Variants in MBP observed in about 807,000 individuals in gnomAD.
The protein encoded by MBP is Golli-MBP.
In MBP, 16 loss-of-function variants were observed where a neutral mutation model predicts 35.8. That is an observed-to-expected ratio of 0.45 (90% CI 0.30 to 0.68). The LOEUF is 0.68. MBP is among the 30% of genes least tolerant of loss of function. MBP has a pLI of 0.08. For synonymous variants in MBP, 143 were observed against 159.6 expected, an observed-to-expected ratio of 0.90 and a Z score of 0.78; for missense variants, 380 against 404.7, an observed-to-expected ratio of 0.94 and a Z score of 0.52.
At chr18:77,053,259 T>C (rs1199750487) in intron 3 of MBP, among the ~76,000 whole-genome samples, 5 of 152,032 alleles carry the variant, frequency 3.3e-5, no homozygotes, top group Non-Finnish European at 7.4e-5. Flanking sequence ...GGTGGCTGCT[T>C]CAGGGGAGGG....
rs553334578 is a variant in MBP, at chr18:77,033,305, CT to C, written c.140-16038del. Among the ~76,000 whole-genome samples the C allele has an allele frequency of 2.2e-3, 335 of 152,250 alleles. 3 individuals carry two copies. The highest frequency in any genetic ancestry group is 7.6e-3 in the African/African-American group (314 of 41,548). On this transcript the variant is annotated intron_variant, in intron 3 of 8. Coordinates refer to ENST00000355994, the MANE Select transcript of MBP (RefSeq NM_001025101.2). ...CTTTGATTCTTGGTTCTATCATCTA[CT>C]GTGTGACCTTGAGCACATAATTTAA...
chr18:77,128,238 C>T (rs1279049930), intron 1 of MBP, among the ~76,000 whole-genome samples: 4 of 152,178 alleles, frequency 2.6e-5, no homozygotes, highest in Non-Finnish European at 2.9e-5. Flanking sequence ...CTTGCCAACC[C>T]GGATGGGTCT....
intron 2 of MBP, chr18:77,097,369 C>T (rs1975802815): frequency 6.6e-6 from 1 of 152,266 alleles, no homozygotes; most frequent in Admixed American, 6.5e-5. Context: ...TGATAGTTTC[C>T]CTCCCTCTCA....
At chr18:77,009,840 G>A in intron 4 of MBP, 1 of 1,574,112 alleles carries the variant, frequency 6.4e-7, no homozygotes, top group Admixed American at 1.8e-5. Flanking sequence ...GGACCCGCCG[G>A]CGTCTTACCT....
intron 2 of MBP, among the ~76,000 whole-genome samples, chr18:77,091,154 A>G (rs1208937430): frequency 6.6e-6 from 1 of 152,202 alleles, no homozygotes; most frequent in Non-Finnish European, 1.5e-5. Context: ...CAATGCAATT[A>G]TGAGATCATA....
intron 1 of MBP, among the ~76,000 whole-genome samples, chr18:77,112,241 G>A (rs1198501141): frequency 6.6e-6 from 1 of 152,038 alleles, no homozygotes; most frequent in Admixed American, 6.6e-5. Flanking sequence ...AGGACAAGGC[G>A]TGGGAAGAAG....
At chr18:77,033,822 C>T (rs1972640134) in intron 3 of MBP, among the ~76,000 whole-genome samples, 1 of 151,420 alleles carries the variant, frequency 6.6e-6, no homozygotes, top group African/African-American at 2.4e-5. Flanking sequence ...ACACACCCAC[C>T]CACATATCCA....
chr18:77,115,790 G>A (rs1377236045), intron 1 of MBP: 3 of 151,688 alleles, frequency 2.0e-5, no homozygotes, highest in Non-Finnish European at 1.5e-5. Flanking sequence ...GATCTCCTAA[G>A]GGGCCCCACG....
intron 8 of MBP, 89 bp from the exon 9 acceptor site, chr18:76,980,560 T>A: frequency 1.0e-6 from 1 of 995,448 alleles, no homozygotes; most frequent in Non-Finnish European, 1.6e-6. Context: ...GGGTGGATGC[T>A]GAGCCATTGG....
At chr18:77,009,243 G>A (rs1971185899) in intron 4 of MBP, among the ~76,000 whole-genome samples, 1 of 152,156 alleles carries the variant, frequency 6.6e-6, no homozygotes, top group African/African-American at 2.4e-5. Context: ...AGTGCTCCTG[G>A]CACCTATGTG....
At chr18:77,110,808 TTATAAAACATATAA>T (rs1976424328) in intron 1 of MBP, among the ~76,000 whole-genome samples, 1 of 152,200 alleles carries the variant, frequency 6.6e-6, no homozygotes, top group African/African-American at 2.4e-5. Context: ...TGAGAATATA[TTATAAAACATATAA>T]ATTGTGGTTA....
chr18:77,028,813 A>T (rs1409264300), intron 3 of MBP, among the ~76,000 whole-genome samples: 5,449 of 68,154 alleles, frequency 0.08, 696 homozygotes, highest in East Asian at 0.15. Flanking sequence ...GACTTCTCAG[A>T]CGGGGCGGCC....
At chr18:76,997,857 T>G (rs1396109543) in intron 4 of MBP, among the ~76,000 whole-genome samples, 3 of 152,122 alleles carry the variant, frequency 2.0e-5, no homozygotes, top group Non-Finnish European at 2.9e-5. Flanking sequence ...GATTTTTTTG[T>G]ATTTTTAGTA....
At chr18:77,120,740 C>G (rs1452733842) in intron 1 of MBP, among the ~76,000 whole-genome samples, 2 of 152,160 alleles carry the variant, frequency 1.3e-5, no homozygotes, top group South Asian at 4.1e-4. Flanking sequence ...GAGCTGTCCT[C>G]TGAGCACAGG....
In MBP at chr18:76,988,235, C is replaced by T. The variant is rs367953418; in HGVS notation, c.750+260G>A. The T allele has an allele frequency of 1.9e-6, 3 of 1,549,864 alleles. No individual in the cohort carries two copies. The highest frequency in any genetic ancestry group is 2.6e-6 in the Non-Finnish European group (3 of 1,147,000). ...GAGACCAGTCACGTCGCCTGGGAAC[C>T]CTCTGGGAGAAGAGGATCTGGCCTT... On this transcript the variant is annotated intron_variant, in intron 7 of 8. Coordinates refer to ENST00000355994, the MANE Select transcript of MBP (RefSeq NM_001025101.2). This position sits in a 1 kb window ranked among gnomAD's most constrained non-coding sequence, Gnocchi z 5.2.
intron 7 of MBP, chr18:76,985,719 C>T: frequency 9.9e-7 from 1 of 1,010,228 alleles, no homozygotes; most frequent in Non-Finnish European, 1.2e-6. Flanking sequence ...GGCTGTGTGG[C>T]CTTGGGCAAG....
intron 4 of MBP, among the ~76,000 whole-genome samples, chr18:76,998,618 T>G (rs545265123): frequency 1.3e-5 from 2 of 152,292 alleles, no homozygotes; most frequent in South Asian, 4.1e-4. Context: ...TCCCTTATTC[T>G]TTGAAGGAAT....
At chr18:77,015,949 C>T (rs1243108074) in intron 4 of MBP, 2 of 985,264 alleles carry the variant, frequency 2.0e-6, no homozygotes, top group Non-Finnish European at 1.2e-6. Context: ...GTGAGAACAC[C>T]CAATAAACTA....
At chr18:77,046,447 T>G (rs2144663281) in intron 3 of MBP, among the ~76,000 whole-genome samples, 1 of 152,304 alleles carries the variant, frequency 6.6e-6, no homozygotes, top group South Asian at 2.1e-4. Flanking sequence ...ATGAAGACAG[T>G]TAGGCTGAGG....
Sources: allele counts gnomAD v4.1 joint callset (sites outside exome capture counted in the v4.1 genomes callset), GRCh38; gene constraint gnomAD v4.1.1; non-coding constraint Gnocchi (gnomAD v3.1); transcripts MANE v1.5; gene names NCBI Gene and HGNC (gene_info 2026-07-23, HGNC 2026-07-21).